Variants in ZNF875 observed in about 807,000 individuals in gnomAD.
The protein encoded by ZNF875 is zinc finger protein 875, also known as HKR1, GLI-Kruppel zinc finger family member.
ZNF875 carries 14 observed loss-of-function variants against 11.2 expected under a neutral mutation model. The ratio of observed to expected loss-of-function variants is 1.26; its 90% CI spans 0.83 to 1.96. The LOEUF is 1.96. Among genes scored for constraint, ZNF875 ranks in the 30% most tolerant of loss-of-function variants. The pLI is 0.00. For missense variants in ZNF875, 752 were observed against 760.4 expected, an observed-to-expected ratio of 0.99 and a Z score of 0.13; for synonymous variants, 301 against 281.1, an observed-to-expected ratio of 1.07 and a Z score of -0.71.
In ZNF875 at chr19:37,335,099, C is replaced by A. The variant is rs1013968513; in HGVS notation, c.-56-70C>A. 1.4e-5 allele frequency: 9 copies of A among 646,278 alleles called. No homozygotes were observed. The Admixed American group carries it at 1.9e-4, about 14-fold the overall frequency. The allele number at this position is 646,278 out of a possible 1,614,324, so 40.0% of individuals were successfully genotyped here. A position where few individuals can be genotyped will look rare whatever the true frequency, so the allele number is the denominator to read the frequency against. On this transcript the variant is annotated intron_variant, in intron 1 of 4. Coordinates refer to ENST00000392153, the MANE Select transcript of ZNF875 (RefSeq NM_001353803.2). Reference sequence around the variant, plus strand: ...AGACCCCAACTGTGGGGCTCTGGAGCGGACTGCGCTTCACTTCGTGGGGAG... The same window carrying A: ...AGACCCCAACTGTGGGGCTCTGGAGAGGACTGCGCTTCACTTCGTGGGGAG...
Position 37,363,885 on chromosome 19 carries a change from C to T in ZNF875, c.*110C>T, listed in dbSNP as rs761031372. On this transcript the variant is annotated 3_prime_UTR_variant, in exon 5 of 5. Transcript: ENST00000392153. ...TGGCTTTTTCAGCCATTGCTAGATA[C>T]CAAAGTGGAGACATTCTGTGTGTGA... The T allele has an allele frequency of 7.3e-6, 6 of 820,756 alleles. No homozygotes were observed. The African/African-American group carries it at 8.5e-5, about 12-fold the overall frequency. The allele number at this position is 820,756 out of a possible 1,614,324, so 50.8% of individuals were successfully genotyped here.
rs1361214931 is a variant in ZNF875 at position 37,362,606 on chromosome 19, A to G, written c.754A>G (p.Thr252Ala). The G allele has an allele frequency of 1.2e-6, 2 of 1,613,908 alleles. No individual in the cohort carries two copies. The highest frequency in any genetic ancestry group is 3.3e-5 in the Admixed American group (2 of 59,998). The change falls in exon 5 of 5, where the codon ACA becomes GCA. Residue 252 changes from threonine (T) to alanine (A), a missense_variant. By Grantham distance (58) the Thr-to-Ala change is moderately conservative. Coordinates refer to ENST00000392153, the MANE Select transcript of ZNF875 (RefSeq NM_001353803.2). ...LSLQKTQTGE[T>A]PYMYTEWGDS... ...CCTCCAGAAGACACAAACTGGGGAG[A>G]CACCTTACATGTACACTGAGTGGGG...
upstream of ZNF875, among the ~76,000 whole-genome samples, chr19:37,332,054 A>G (rs1322317409): frequency 1.6e-5 from 2 of 128,712 alleles, no homozygotes; most frequent in African/African-American, 5.7e-5. Context: ...ATGTGTATGC[A>G]TATCTAAAAG....
At chr19:37,313,537 C>T (rs556183701), upstream of ZNF875, among the ~76,000 whole-genome samples, 2 of 152,292 alleles carry the variant, frequency 1.3e-5, no homozygotes, top group South Asian at 2.1e-4. Context: ...ACTGACCCTA[C>T]ATACCTACAA....
chr19:37,363,725 T>C lies in ZNF875; in HGVS notation c.1873T>C (p.Phe625Leu), dbSNP rs1223008507. Residue 625 changes from phenylalanine (F) to leucine (L), a missense_variant, in exon 5 of 5, where the codon TTT becomes CTT. Physicochemically the swap from Phe to Leu is conservative, Grantham distance 22 (BLOSUM62 0). Coordinates refer to ENST00000392153, the MANE Select transcript of ZNF875 (RefSeq NM_001353803.2). Reference sequence around the variant, plus strand: ...TATTTGCAGAAAGTGTGGACGGGGCTTTAGTCGGAAGTCCAACCTTATCAG... The same window carrying C: ...TATTTGCAGAAAGTGTGGACGGGGCCTTAGTCGGAAGTCCAACCTTATCAG... ...PYICRKCGRG[F>L]SRKSNLIRHQ... 1.2e-6 allele frequency: 2 copies of C among 1,613,934 alleles called. No individual in the cohort carries two copies. Among genetic ancestry groups the C allele is most frequent in the African/African-American group, 2.7e-5 (2 of 74,922 alleles).
At chr19:37,338,753 A>G (rs2035049815) in intron 2 of ZNF875, among the ~76,000 whole-genome samples, 1 of 152,244 alleles carries the variant, frequency 6.6e-6, no homozygotes, top group Middle Eastern at 3.2e-3. Flanking sequence ...GAAGGAACTA[A>G]GTAACAAAGG....
upstream of ZNF875, among the ~76,000 whole-genome samples, chr19:37,316,510 C>T (rs1420119487): frequency 6.6e-6 from 1 of 151,490 alleles, no homozygotes; most frequent in Non-Finnish European, 1.5e-5. Context: ...GCTACGATTA[C>T]AGGCATGTGC....
Position 37,350,585 on chromosome 19 carries a change from TTTCATCAG to T in ZNF875, c.256+2716_256+2723del, listed in dbSNP as rs369209056. 6.5e-3 allele frequency among the ~76,000 whole-genome samples: 992 copies of T among 152,212 alleles called. 9 individuals carry two copies. Among genetic ancestry groups the T allele is most frequent in the African/African-American group, 0.022 (925 of 41,526 alleles). ...ACTAAAGACTTTATTCAGATTCAGA[TTTCATCAG>T]TTTTTGCATGTACTCTTTTTTTTAA... is the stretch of plus-strand genomic sequence containing the variant. On this transcript the variant is annotated intron_variant, in intron 4 of 4. Transcript: ENST00000392153.
chr19:37,344,619 A>G, intron 2 of ZNF875: 1 of 1,328,050 alleles, frequency 7.5e-7, no homozygotes, highest in Non-Finnish European at 1.1e-6. Context: ...GCTGGCAAGC[A>G]GATGAATTAA....
At chr19:37,334,891 C>A in intron 1 of ZNF875, 109 bp downstream of exon 1, 1 of 451,986 alleles carries the variant, frequency 2.2e-6, no homozygotes, top group Non-Finnish European at 4.4e-6. Flanking sequence ...CTCCTTTGGG[C>A]ACCTCCAGGC....
intron 1 of ZNF875, among the ~76,000 whole-genome samples, chr19:37,321,738 T>G (rs2031506373): frequency 6.6e-6 from 1 of 152,120 alleles, no homozygotes; most frequent in Non-Finnish European, 1.5e-5. Flanking sequence ...CCAGGTCAGA[T>G]GCTGAGTGAT....
At chr19:37,357,222 T>G (rs577231880) in intron 4 of ZNF875, among the ~76,000 whole-genome samples, 4 of 152,232 alleles carry the variant, frequency 2.6e-5, no homozygotes, top group Non-Finnish European at 5.9e-5. Flanking sequence ...TCAGTTAATA[T>G]AGCCTTGTAG....
rs549087987 is a variant in ZNF875, at chr19:37,326,674, T to A, written c.-603+2409T>A. ...AGTTAAATTAGAAAGCTTTTTTTTT[T>A]TTTTTTTTTTTGAGTTGTAGTCTCG... On this transcript the variant is annotated intron_variant, in intron 4 of 5. Transcript: ENST00000544914. 6.9e-5 allele frequency among the ~76,000 whole-genome samples: 10 copies of A among 145,452 alleles called. No homozygotes were observed. The East Asian group carries it at 1.6e-3, about 23-fold the overall frequency.
At chr19:37,351,456 A>G (rs942889991) in intron 4 of ZNF875, among the ~76,000 whole-genome samples, 1 of 152,044 alleles carries the variant, frequency 6.6e-6, no homozygotes, top group African/African-American at 2.4e-5. Context: ...CTTTTTCTGC[A>G]TTCTACTTTC....
chr19:37,344,711 A>G (rs757941352), intron 2 of ZNF875: 21 of 1,613,936 alleles, frequency 1.3e-5, no homozygotes, highest in Non-Finnish European at 4.2e-6. Context: ...CAGTGTCTAC[A>G]ATGCTCCCTA....
upstream of ZNF875, among the ~76,000 whole-genome samples, chr19:37,332,720 CTTTT>C (rs772484209): frequency 3.3e-5 from 5 of 152,048 alleles, no homozygotes; most frequent in Non-Finnish European, 2.9e-5. Context: ...TTTCAATTTG[CTTTT>C]TTGTTTTTTG....
At chr19:37,361,213 C>T (rs533900423) in intron 4 of ZNF875, among the ~76,000 whole-genome samples, 5 of 150,430 alleles carry the variant, frequency 3.3e-5, no homozygotes, top group South Asian at 4.2e-4. Context: ...GGGGTTCAAG[C>T]GATTCTCCTG....
At chr19:37,352,307 C>T (rs559550254) in intron 4 of ZNF875, among the ~76,000 whole-genome samples, 13 of 152,118 alleles carry the variant, frequency 8.5e-5, no homozygotes, top group East Asian at 1.9e-4. Context: ...GGAGATGCCA[C>T]GACCAAACAC....
At chr19:37,359,594 G>T (rs2039565019) in intron 4 of ZNF875, 1 of 208,796 alleles carries the variant, frequency 4.8e-6, no homozygotes, top group Non-Finnish European at 1.0e-5. Context: ...AGTAGAGACG[G>T]GGTTTCACCA....
Sources: gnomAD v4.1 joint callset for allele counts (sites outside exome capture counted in the v4.1 genomes callset) on GRCh38, gnomAD v4.1.1 for gene constraint, MANE v1.5 for transcripts, NCBI Gene and HGNC (gene_info 2026-07-23, HGNC 2026-07-21) for gene names.